Variants in DNAAF9 observed in about 807,000 individuals in gnomAD.
DNAAF9 encodes the protein dynein axonemal assembly factor 9, also known as shulin.
DNAAF9 carries 90 observed loss-of-function variants against 167.0 expected under a neutral mutation model. The ratio of observed to expected loss-of-function variants is 0.54; its 90% confidence interval spans 0.45 to 0.64. The LOEUF is 0.64. Among genes scored for constraint, DNAAF9 ranks in the 30% least tolerant of loss-of-function variants. The pLI, the probability that DNAAF9 is intolerant of heterozygous loss-of-function variation, is 0.00. For synonymous variants in DNAAF9, 491 were observed against 508.8 expected (o/e 0.96, Z 0.47); for missense variants, 1,315 against 1,442.2 (o/e 0.91, Z 1.43).
chr20:3,276,927 G>C (rs1156526901), intron 29 of DNAAF9, among the ~76,000 whole-genome samples: 1 of 152,124 alleles, frequency 6.6e-6, no homozygotes, highest in East Asian at 1.9e-4. Flanking sequence ...GCTTCTCTGA[G>C]TCAATCTTCA....
Position 3,291,193 on chromosome 20 carries a change from A to G in DNAAF9, c.2239-976T>C, listed in dbSNP as rs539592761. On this transcript the variant is annotated intron_variant, in intron 25 of 36. Coordinates refer to ENST00000252032, the MANE Select transcript of DNAAF9 (RefSeq NM_001009984.3). ...CTAACCTTATTATACACCCACAGGA[A>G]AATAGGTCCCCTTTCAGGTAGATAT... is the stretch of plus-strand genomic sequence containing the variant. Among the ~76,000 whole-genome samples the G allele has an allele frequency of 3.3e-5, 5 of 152,294 alleles. No homozygotes were observed. The East Asian group carries it at 9.7e-4, about 29-fold the overall frequency.
rs768711987 is a variant in DNAAF9, at chr20:3,322,261, T to C, written c.1312A>G (p.Ile438Val). 1.2e-6 allele frequency: 2 copies of C among 1,605,662 alleles called. No individual in the cohort carries two copies. The highest frequency in any genetic ancestry group is 1.7e-5 in the Admixed American group (1 of 59,660). Residue 438 changes from isoleucine to valine, a missense_variant and splice_region_variant, in exon 16 of 37, where the codon ATT becomes GTT. By Grantham distance (29) the Ile-to-Val change is conservative. Coordinates refer to ENST00000252032, the MANE Select transcript of DNAAF9 (RefSeq NM_001009984.3). ...CTATCTTCACTGTCCAGCGGTACAATTCTAGGAGGGGAAAGAGATGGAAGA... is the reference window on the plus strand; with the variant it reads ...CTATCTTCACTGTCCAGCGGTACAACTCTAGGAGGGGAAAGAGATGGAAGA... ...HIHAVNNQGR[I>V]VPLDSEDSLS...
Position 3,315,741 on chromosome 20 carries a change from T to A in DNAAF9, c.1584A>T (p.Ala528=). 6.2e-7 allele frequency: 1 copy of A among 1,613,128 alleles called. No individual in the cohort carries two copies. Among genetic ancestry groups the A allele is most frequent in the Non-Finnish European group, 8.5e-7 (1 of 1,179,038 alleles). ...EVKLSEKTQQ[A]VRGDESFLGT... is the part of the protein sequence containing the mutation. Reference sequence around the variant, plus strand: ...GAATAAGAAGGCTGCTTACCCTCACTGCTTGCTGGGTTTTCTCAGACAATT... The same window carrying A: ...GAATAAGAAGGCTGCTTACCCTCACAGCTTGCTGGGTTTTCTCAGACAATT... Residue 528 remains alanine (A), a synonymous_variant, in exon 19 of 37, where the codon GCA becomes GCT. Transcript: ENST00000252032. This position sits in a 1 kb window ranked among gnomAD's most constrained non-coding sequence, Gnocchi z 4.1.
intron 33 of DNAAF9, among the ~76,000 whole-genome samples, chr20:3,258,663 C>T (rs781082975): frequency 4.6e-5 from 7 of 152,144 alleles, no homozygotes; most frequent in Non-Finnish European, 7.3e-5. Flanking sequence ...ACCTGAAAGA[C>T]AAGCTGACAC....
chr20:3,374,679 A>G (rs145968854), intron 5 of DNAAF9, among the ~76,000 whole-genome samples: 8 of 152,324 alleles, frequency 5.3e-5, no homozygotes, highest in Admixed American at 2.0e-4. Flanking sequence ...AAAACATGTC[A>G]GCATATCTTT....
intron 16 of DNAAF9, among the ~76,000 whole-genome samples, chr20:3,318,717 T>G (rs1230085279): frequency 1.3e-5 from 2 of 152,068 alleles, no homozygotes; most frequent in Non-Finnish European, 2.9e-5. Context: ...TCCCAGTAAT[T>G]TGGGAGGTCA....
chr20:3,314,439 A>C (rs1257256508), intron 20 of DNAAF9, among the ~76,000 whole-genome samples: 1 of 152,166 alleles, frequency 6.6e-6, no homozygotes, highest in African/African-American at 2.4e-5. Flanking sequence ...AAGAGCAAGG[A>C]CTTCTGGGAG....
intron 6 of DNAAF9, among the ~76,000 whole-genome samples, chr20:3,362,536 A>G (rs2083377861): frequency 6.6e-6 from 1 of 151,694 alleles, no homozygotes; most frequent in South Asian, 2.1e-4. Flanking sequence ...AGCCCCATCC[A>G]ATTTGCCTAC....
chr20:3,288,201 G>C lies in DNAAF9; in HGVS notation c.2328-411C>G, dbSNP rs150410605. 3.2e-3 allele frequency among the ~76,000 whole-genome samples: 492 copies of C among 152,336 alleles called. 6 individuals are homozygous for C. The highest frequency in any genetic ancestry group is 0.011 in the African/African-American group (457 of 41,574). On this transcript the variant is annotated intron_variant, in intron 26 of 36. Transcript: ENST00000252032. Reference sequence around the variant, plus strand: ...ATTGTGGCTCACGCCTGTAATCCCAGCACTTTGGGAGGCCGAGGCGGGCGG... The same window carrying C: ...ATTGTGGCTCACGCCTGTAATCCCACCACTTTGGGAGGCCGAGGCGGGCGG...
At chr20:3,321,737 TA>T (rs200398364) in intron 16 of DNAAF9, among the ~76,000 whole-genome samples, 3 of 151,896 alleles carry the variant, frequency 2.0e-5, no homozygotes, top group Admixed American at 6.6e-5. Context: ...CCTGCCTAAT[TA>T]AAAAAATTTT....
At chr20:3,404,999 C>T (rs2084036809) in intron 1 of DNAAF9, among the ~76,000 whole-genome samples, 2 of 152,134 alleles carry the variant, frequency 1.3e-5, no homozygotes, top group Non-Finnish European at 2.9e-5. Flanking sequence ...CCAACAGCTA[C>T]CATGACAGAA....
At chr20:3,342,937 T>C (rs1029436780) in intron 9 of DNAAF9, among the ~76,000 whole-genome samples, 3 of 152,130 alleles carry the variant, frequency 2.0e-5, no homozygotes, top group Non-Finnish European at 2.9e-5. Flanking sequence ...CCACTGTTGC[T>C]CCCCTGCCCA....
rs1343379925 is a variant in DNAAF9 at position 3,374,045 on chromosome 20, T to C, written c.612+3A>G. On this transcript the variant is annotated splice_donor_region_variant and intron_variant, in intron 6 of 36. Transcript: ENST00000252032. Reference sequence around the variant, plus strand: ...AACTAGGCATACTGCTTTTCATACATACCTCATATTTCATGGTAAAAAATC... The same window carrying C: ...AACTAGGCATACTGCTTTTCATACACACCTCATATTTCATGGTAAAAAATC... 1.3e-6 allele frequency: 2 copies of C among 1,580,750 alleles called. No homozygotes were observed. Among genetic ancestry groups the C allele is most frequent in the Admixed American group, 1.7e-5 (1 of 59,960 alleles).
intron 6 of DNAAF9, among the ~76,000 whole-genome samples, chr20:3,370,283 C>T (rs1422059256): frequency 6.6e-6 from 1 of 152,180 alleles, no homozygotes; most frequent in Admixed American, 6.5e-5. Flanking sequence ...CAGTGTCTCA[C>T]TCTGTTGCTC....
intron 8 of DNAAF9, among the ~76,000 whole-genome samples, chr20:3,347,527 G>A (rs1181098657): frequency 6.6e-6 from 1 of 152,254 alleles, no homozygotes; most frequent in East Asian, 1.9e-4. Flanking sequence ...GCTGAGAAGC[G>A]ATACACTGGC....
At chr20:3,382,387 T>G in intron 2 of DNAAF9, 40 bp downstream of exon 2, 1 of 1,531,320 alleles carries the variant, frequency 6.5e-7, no homozygotes, top group Non-Finnish European at 9.0e-7. Flanking sequence ...AAAAGCCAAG[T>G]TGCCCAAGCC....
At chr20:3,323,251 T>C (rs1374181733) in intron 14 of DNAAF9, among the ~76,000 whole-genome samples, 3 of 149,958 alleles carry the variant, frequency 2.0e-5, no homozygotes, top group Non-Finnish European at 1.5e-5. Context: ...CTGAAGCAGT[T>C]TGAGGGTCCT....
At position 3,357,642 on chromosome 20, in the gene DNAAF9, C is replaced by T. The variant is rs529879059; in HGVS notation, c.690+1874G>A. Among the ~76,000 whole-genome samples, 3 of 148,812 alleles carry T rather than the reference C, an allele frequency of 2.0e-5. No homozygotes were observed. In the South Asian group the frequency reaches 6.4e-4, roughly 32 times the overall value. On this transcript the variant is annotated intron_variant, in intron 7 of 36. Transcript: ENST00000252032. ...CTCACCCATCCAGCTTTATCTTTTA[C>T]TGTTCATTTCATTTTGTATTGTTAT...
chr20:3,269,264 C>T (rs150733232), intron 30 of DNAAF9, among the ~76,000 whole-genome samples: 2 of 150,636 alleles, frequency 1.3e-5, no homozygotes, highest in African/African-American at 4.9e-5. Flanking sequence ...GGCTGGAGTG[C>T]AATGGTGTGA....
Sources: gnomAD v4.1 joint callset for allele counts (sites outside exome capture counted in the v4.1 genomes callset) on GRCh38, gnomAD v4.1.1 for gene constraint, Gnocchi (gnomAD v3.1) non-coding constraint, MANE v1.5 for transcripts, NCBI Gene and HGNC (gene_info 2026-07-23, HGNC 2026-07-21) for gene names.